SYNPR: variants seen among roughly 807,000 people sequenced by gnomAD.
The protein encoded by SYNPR is synaptoporin.
In SYNPR, 23 loss-of-function variants were observed where a neutral mutation model predicts 32.9. The ratio of observed to expected loss-of-function variants is 0.70; its 90% CI spans 0.50 to 0.99. SYNPR has a LOEUF of 0.99. Among genes scored for constraint, SYNPR ranks in the 50% least tolerant of loss-of-function variants. The pLI is 0.00. For synonymous variants in SYNPR, 146 were observed against 135.9 expected (o/e 1.07, Z -0.52); for missense variants, 318 against 349.3 (o/e 0.91, Z 0.71).
intron 2 of SYNPR, among the ~76,000 whole-genome samples, chr3:63,259,272 A>T (rs2086416714): frequency 6.6e-6 from 1 of 152,222 alleles, no homozygotes; most frequent in Non-Finnish European, 1.5e-5. Context: ...TCAACAAAAA[A>T]AAGAGAATTT....
At chr3:63,443,913 T>G (rs2107164154) in intron 2 of SYNPR, among the ~76,000 whole-genome samples, 1 of 152,312 alleles carries the variant, frequency 6.6e-6, no homozygotes, top group African/African-American at 2.4e-5. Context: ...TACCAAATAT[T>G]ATATGTTGTG....
intron 2 of SYNPR, among the ~76,000 whole-genome samples, chr3:63,281,326 T>C (rs1359867165): frequency 6.6e-6 from 1 of 152,194 alleles, no homozygotes; most frequent in Non-Finnish European, 1.5e-5. Flanking sequence ...GAGAGCAGCT[T>C]TAAACTTGAC....
intron 2 of SYNPR, chr3:63,443,372 A>T (rs1313842361): frequency 6.4e-7 from 1 of 1,565,430 alleles, no homozygotes; most frequent in Non-Finnish European, 8.7e-7. Context: ...TGGACAGAGA[A>T]GCTTTATTTT....
At chr3:63,256,810 A>G (rs1259173254) in intron 2 of SYNPR, among the ~76,000 whole-genome samples, 1 of 152,164 alleles carries the variant, frequency 6.6e-6, no homozygotes, top group Non-Finnish European at 1.5e-5. Context: ...CAAAGAAGTT[A>G]AAAACATTGA....
chr3:63,447,944 A>C (rs1374588072), intron 2 of SYNPR, among the ~76,000 whole-genome samples: 1 of 152,196 alleles, frequency 6.6e-6, no homozygotes, highest in Admixed American at 6.6e-5. Flanking sequence ...TGTGTTGGGC[A>C]TAAAAGGTTT....
In SYNPR at chr3:63,534,246, C is replaced by T. The variant is rs575230925; in HGVS notation, c.210-22297C>T. ...AGAAGTCATCAAATAATGGCTAAAT[C>T]TGAAACTGGAGTTGATGAGAACATT... On this transcript the variant is annotated intron_variant, in intron 3 of 5. Transcript: ENST00000478300. Among the ~76,000 whole-genome samples the T allele has an allele frequency of 1.4e-4, 22 of 152,204 alleles. No individual in the cohort carries two copies. The South Asian group carries it at 4.4e-3, about 30-fold the overall frequency.
intron 3 of SYNPR, among the ~76,000 whole-genome samples, chr3:63,506,406 G>A (rs1396700803): frequency 6.6e-6 from 1 of 152,204 alleles, no homozygotes; most frequent in African/African-American, 2.4e-5. Context: ...CATTTATTTT[G>A]AGAAAGCTTA....
At chr3:63,445,423 A>C (rs920028837) in intron 2 of SYNPR, 3 of 607,730 alleles carry the variant, frequency 4.9e-6, no homozygotes, top group Non-Finnish European at 8.8e-6. Flanking sequence ...TGAAAGGTCC[A>C]TAATATCATA....
At chr3:63,500,055 A>C (rs749914048) in intron 3 of SYNPR, among the ~76,000 whole-genome samples, 25 of 152,188 alleles carry the variant, frequency 1.6e-4, no homozygotes, top group Admixed American at 9.2e-4. Flanking sequence ...TAAGTAATAG[A>C]AAGTGTGACA....
At chr3:63,451,997 C>T in intron 2 of SYNPR, 2 of 672,982 alleles carry the variant, frequency 3.0e-6, no homozygotes, top group Non-Finnish European at 2.7e-6. Flanking sequence ...TGGAAGACAC[C>T]CTCCTTTCTT....
At position 63,296,343 on chromosome 3, in the gene SYNPR, T is replaced by C. The variant is rs73121142; in HGVS notation, c.84+17601T>C. On this transcript the variant is annotated intron_variant, in intron 2 of 5. Coordinates refer to ENST00000478300, the MANE Select transcript of SYNPR (RefSeq NM_001130003.2). ...CCAGAATAAACAAAATGTGGCTGAA[T>C]TCTGGACGTGGCCCACAGTCTCCAG... Among the ~76,000 whole-genome samples, 1,025 of 152,322 alleles carry C rather than the reference T, an allele frequency of 6.7e-3. 11 individuals are homozygous for C. Among genetic ancestry groups the C allele is most frequent in the South Asian group, 0.025 (121 of 4,826 alleles).
At chr3:63,614,519 C>T (rs1700249711) in intron 5 of SYNPR, among the ~76,000 whole-genome samples, 2 of 152,214 alleles carry the variant, frequency 1.3e-5, no homozygotes, top group South Asian at 4.1e-4. Flanking sequence ...GAAACCTGCA[C>T]TTTATTCACA....
chr3:63,418,599 T>C (rs2088569952), intron 2 of SYNPR, among the ~76,000 whole-genome samples: 1 of 152,156 alleles, frequency 6.6e-6, no homozygotes, highest in Non-Finnish European at 1.5e-5. Context: ...GACTCACAGT[T>C]CCACGTGACT....
At chr3:63,209,402 A>G in the SYNPR span, among the ~76,000 whole-genome samples, 16 of 152,182 alleles carry the variant, frequency 1.1e-4, no homozygotes, top group Middle Eastern at 3.4e-3. Context: ...AGAATCAGCC[A>G]TGTCACAAAT....
chr3:63,387,782 G>C (rs912686319), intron 2 of SYNPR, among the ~76,000 whole-genome samples: 3 of 152,202 alleles, frequency 2.0e-5, no homozygotes, highest in African/African-American at 4.8e-5. Flanking sequence ...TTTGAGATAA[G>C]AGGTTACAAA....
At chr3:63,489,262 T>C (rs552959612) in intron 3 of SYNPR, among the ~76,000 whole-genome samples, 1 of 152,286 alleles carries the variant, frequency 6.6e-6, no homozygotes, top group Admixed American at 6.5e-5. Context: ...ATCCGGCAAG[T>C]GTTCAGGCTG....
intron 4 of SYNPR, among the ~76,000 whole-genome samples, chr3:63,594,032 G>C (rs761576907): frequency 1.4e-4 from 22 of 152,152 alleles, no homozygotes; most frequent in Non-Finnish European, 2.5e-4. Context: ...AAACAGACCT[G>C]AGTTTGGTAC....
intron 1 of SYNPR, among the ~76,000 whole-genome samples, chr3:63,234,409 G>A (rs541495046): frequency 6.8e-4 from 104 of 152,252 alleles, no homozygotes; most frequent in Non-Finnish European, 1.2e-3. Flanking sequence ...ACAACCACTG[G>A]ATCTTTGGGT....
chr3:63,280,967 G>T (rs1316136089), intron 2 of SYNPR, among the ~76,000 whole-genome samples: 1 of 152,156 alleles, frequency 6.6e-6, no homozygotes, highest in Non-Finnish European at 1.5e-5. Context: ...AAGTTAGTTG[G>T]TTGACCTACA....
Sources: allele counts gnomAD v4.1 joint callset (sites outside exome capture counted in the v4.1 genomes callset), GRCh38; gene constraint gnomAD v4.1.1; transcripts MANE v1.5; gene names NCBI Gene and HGNC (gene_info 2026-07-23, HGNC 2026-07-21).